The following SLC36A1 variants were observed in gnomAD, a reference collection of about 807,000 sequenced individuals.
The protein encoded by SLC36A1 is solute carrier family 36 member 1, also known as proton-coupled amino acid transporter 1.
SLC36A1 carries 30 observed loss-of-function variants against 47.5 expected under a neutral mutation model. The observed-to-expected ratio is 0.63, with a 90% CI of 0.47 to 0.86. The LOEUF is 0.86. Ranked by LOEUF, SLC36A1 falls within the 40% of genes least tolerant of loss-of-function variation. The probability of loss-of-function intolerance (pLI) is 0.00; values close to 1 mark genes in which losing one functional copy is unlikely to be tolerated. For synonymous variants in SLC36A1, 255 were observed against 249.7 expected (o/e 1.02, Z -0.20); for missense variants, 517 against 606.0 (o/e 0.85, Z 1.54).
chr5:151,438,133 C>T (rs967604707), intron 1 of SLC36A1, among the ~76,000 whole-genome samples: 6 of 152,102 alleles, frequency 3.9e-5, no homozygotes, highest in Admixed American at 1.3e-4. Context: ...AACAAGTTCC[C>T]GAGATTAATT....
chr5:151,498,492 C>T, the SLC36A1 span, among the ~76,000 whole-genome samples: 1 of 152,188 alleles, frequency 6.6e-6, no homozygotes, highest in Non-Finnish European at 1.5e-5. Context: ...AAATGACTTG[C>T]CCAAGATCAC....
At chr5:151,498,654 TTGCACCC>T in the SLC36A1 span, among the ~76,000 whole-genome samples, 1 of 152,160 alleles carries the variant, frequency 6.6e-6, no homozygotes, top group African/African-American at 2.4e-5. Flanking sequence ...CCAGCCTGCT[TTGCACCC>T]TGCCCTCCAT....
intron 8 of SLC36A1, among the ~76,000 whole-genome samples, chr5:151,475,318 A>AGCG (rs1470856146): frequency 1.3e-5 from 2 of 152,254 alleles, no homozygotes; most frequent in Non-Finnish European, 2.9e-5. Context: ...CTAACAGCAC[A>AGCG]GCGCAGAAAT....
At chr5:151,390,183 T>G in the SLC36A1 span, among the ~76,000 whole-genome samples, 3 of 152,234 alleles carry the variant, frequency 2.0e-5, no homozygotes, top group African/African-American at 4.8e-5. Context: ...TTTTTTCATG[T>G]GTCTGTTGGC....
the SLC36A1 span, among the ~76,000 whole-genome samples, chr5:151,500,179 G>A: frequency 4.6e-5 from 7 of 152,066 alleles, no homozygotes; most frequent in East Asian, 1.9e-4. Context: ...AATTTATTTC[G>A]CGAACCCAAA....
At chr5:151,358,980 C>CAAAAA in the SLC36A1 span, among the ~76,000 whole-genome samples, 1 of 46,252 alleles carries the variant, frequency 2.2e-5, no homozygotes, top group Non-Finnish European at 5.0e-5. Flanking sequence ...GACTCCGTCT[C>CAAAAA]AAAAAAAAAA....
intron 8 of SLC36A1, among the ~76,000 whole-genome samples, chr5:151,474,965 A>G (rs1357257709): frequency 1.3e-5 from 2 of 152,244 alleles, no homozygotes. Flanking sequence ...GAAATCACCC[A>G]GGTGGTGTTG....
chr5:151,367,742 A>G, the SLC36A1 span, among the ~76,000 whole-genome samples: 1 of 152,286 alleles, frequency 6.6e-6, no homozygotes, highest in East Asian at 1.9e-4. Flanking sequence ...AGAACTGAAA[A>G]ATGTCCATAA....
the SLC36A1 span, among the ~76,000 whole-genome samples, chr5:151,370,409 C>CTT: frequency 6.8e-6 from 1 of 147,186 alleles, no homozygotes; most frequent in African/African-American, 2.5e-5. Context: ...CTGTTTCTTC[C>CTT]TTTTTTTTTT....
intron 7 of SLC36A1, among the ~76,000 whole-genome samples, chr5:151,472,167 G>T (rs1757396126): frequency 6.6e-6 from 1 of 152,204 alleles, no homozygotes; most frequent in African/African-American, 2.4e-5. Context: ...TCCACAACAG[G>T]CCGTCTGCAG....
At chr5:151,426,946 C>T in the SLC36A1 span, among the ~76,000 whole-genome samples, 2,655 of 152,346 alleles carry the variant, frequency 0.017, 75 homozygotes, top group African/African-American at 0.06. Flanking sequence ...ACATCCTGCA[C>T]AGCCCTAAAT....
the SLC36A1 span, among the ~76,000 whole-genome samples, chr5:151,388,355 G>A: frequency 7.2e-3 from 1,102 of 152,114 alleles, 15 homozygotes; most frequent in African/African-American, 0.025. Flanking sequence ...TACAAAATTA[G>A]CCAGGCGTGT....
chr5:151,508,145 A>C, the SLC36A1 span, among the ~76,000 whole-genome samples: 20 of 152,178 alleles, frequency 1.3e-4, no homozygotes, highest in Admixed American at 4.6e-4. Context: ...CATGGTGTGA[A>C]GCTCCAGGGA....
chr5:151,433,552 A>G (rs1261014488), upstream of SLC36A1, among the ~76,000 whole-genome samples: 1 of 151,018 alleles, frequency 6.6e-6, no homozygotes, highest in Non-Finnish European at 1.5e-5. Context: ...TGGCCTTCCA[A>G]AGTGCTGGGA....
chr5:151,536,748 A>G, the SLC36A1 span, among the ~76,000 whole-genome samples: 1 of 152,102 alleles, frequency 6.6e-6, no homozygotes, highest in Non-Finnish European at 1.5e-5. Flanking sequence ...TAACAATTCT[A>G]TGAGGTGTTA....
the SLC36A1 span, among the ~76,000 whole-genome samples, chr5:151,508,048 T>C: frequency 1.3e-5 from 2 of 152,184 alleles, no homozygotes; most frequent in Non-Finnish European, 2.9e-5. Flanking sequence ...GGAGCCAACG[T>C]GGTCCTGCAC....
the SLC36A1 span, among the ~76,000 whole-genome samples, chr5:151,392,557 C>T: frequency 4.6e-5 from 7 of 152,208 alleles, no homozygotes; most frequent in Admixed American, 1.3e-4. Flanking sequence ...AAATTTCCCT[C>T]TACACTCTGC....
At chr5:151,392,851 T>G in the SLC36A1 span, among the ~76,000 whole-genome samples, 1 of 152,216 alleles carries the variant, frequency 6.6e-6, no homozygotes, top group African/African-American at 2.4e-5. Flanking sequence ...ATAAGTGCGA[T>G]GTGGTGCTGA....
chr5:151,532,290 C>T, the SLC36A1 span, among the ~76,000 whole-genome samples: 250 of 152,266 alleles, frequency 1.6e-3, 1 homozygote, highest in Admixed American at 2.8e-3. Flanking sequence ...TAGAGAGTTC[C>T]TTGACTGAGA....
Sources: gnomAD v4.1 joint callset for allele counts (sites outside exome capture counted in the v4.1 genomes callset) on GRCh38, gnomAD v4.1.1 for gene constraint, MANE v1.5 for transcripts, NCBI Gene and HGNC (gene_info 2026-07-23, HGNC 2026-07-21) for gene names.